The following SPATA6 variants were observed in gnomAD, a reference collection of about 807,000 sequenced individuals.
SPATA6 encodes the protein spermatogenesis-associated protein 6.
Under a neutral mutation model 65.3 loss-of-function variants are expected in SPATA6, and 56 were observed. The ratio of observed to expected loss-of-function variants is 0.86; its 90% confidence interval spans 0.69 to 1.07. SPATA6 has a LOEUF of 1.07. Among genes scored for constraint, SPATA6 ranks in the 50% least tolerant of loss-of-function variants. The probability of loss-of-function intolerance (pLI) is 0.00; values close to 1 mark genes in which losing one functional copy is unlikely to be tolerated. For synonymous variants in SPATA6, 199 were observed against 213.2 expected, an observed-to-expected ratio of 0.93 and a Z score of 0.58; for missense variants, 590 against 594.8, an observed-to-expected ratio of 0.99 and a Z score of 0.08.
At chr1:48,461,208 G>GT (rs1194329384) in intron 1 of SPATA6, among the ~76,000 whole-genome samples, 1 of 151,948 alleles carries the variant, frequency 6.6e-6, no homozygotes, top group African/African-American at 2.4e-5. Flanking sequence ...TTGTAAATTT[G>GT]TTTGAGTTCA....
chr1:48,327,518 T>A (rs374053503), intron 11 of SPATA6, among the ~76,000 whole-genome samples: 2 of 152,180 alleles, frequency 1.3e-5, no homozygotes, highest in African/African-American at 4.8e-5. Flanking sequence ...GGAAAATAAA[T>A]AATTACATTA....
intron 11 of SPATA6, among the ~76,000 whole-genome samples, chr1:48,320,751 A>C (rs1188573438): frequency 1.3e-5 from 2 of 152,260 alleles, no homozygotes; most frequent in African/African-American, 4.8e-5. Context: ...AACTACTTAT[A>C]TCTTCAGTAG....
chr1:48,371,267 CTATATAGATAGA>C (rs753130358), intron 9 of SPATA6, among the ~76,000 whole-genome samples: 137 of 126,496 alleles, frequency 1.1e-3, no homozygotes, highest in Middle Eastern at 4.2e-3. Context: ...GAATATGTAT[CTATATAGATAGA>C]TAGATAGATA....
chr1:48,454,025 A>G (rs1224841041), intron 1 of SPATA6, among the ~76,000 whole-genome samples: 1 of 147,796 alleles, frequency 6.8e-6, no homozygotes, highest in Non-Finnish European at 1.5e-5. Context: ...TTTTTTTTAG[A>G]TGGGGTCTCG....
chr1:48,423,166 A>C (rs1653509459), intron 3 of SPATA6, among the ~76,000 whole-genome samples: 1 of 152,190 alleles, frequency 6.6e-6, no homozygotes, highest in Non-Finnish European at 1.5e-5. Flanking sequence ...ATAAAAAGTC[A>C]GAAAAGTAGG....
chr1:48,413,196 C>A, intron 3 of SPATA6, 45 bp from the exon 4 acceptor site: 2 of 1,154,974 alleles, frequency 1.7e-6, no homozygotes, highest in East Asian at 3.4e-5. Flanking sequence ...AAATTAATAA[C>A]AAAAAAATTA....
intron 3 of SPATA6, among the ~76,000 whole-genome samples, chr1:48,440,331 C>T (rs965337963): frequency 1.3e-5 from 2 of 152,166 alleles, no homozygotes; most frequent in African/African-American, 4.8e-5. Context: ...GGGTCTAGGG[C>T]AAACCTTCTA....
intron 11 of SPATA6, among the ~76,000 whole-genome samples, chr1:48,343,337 A>T (rs1000751717): frequency 1.4e-4 from 22 of 152,000 alleles, no homozygotes; most frequent in Non-Finnish European, 2.5e-4. Flanking sequence ...ACAATTATCT[A>T]AAAAAAAGGA....
intron 3 of SPATA6, among the ~76,000 whole-genome samples, chr1:48,435,058 T>C (rs892344907): frequency 6.6e-6 from 1 of 151,894 alleles, no homozygotes; most frequent in Non-Finnish European, 1.5e-5. Context: ...GAGGTGATTC[T>C]GGGTCCCTGG....
rs1372096760 is a variant in SPATA6 at position 48,384,346 on chromosome 1, G to T, written c.909+963C>A. Among the ~76,000 whole-genome samples the T allele has an allele frequency of 4.6e-5, 3 of 65,738 alleles. No individual in the cohort carries two copies. The East Asian group carries it at 1.0e-3, about 22-fold the overall frequency. 43.1% of individuals were successfully genotyped at this position (65,738 alleles called of 152,430 possible). On this transcript the variant is annotated intron_variant, in intron 9 of 12. Transcript: ENST00000371847. ...CCGTGGAGGGACAGGGACAGGGACAGGGACAGGGAGAGGGAGAGGGAGAGG... is the reference window on the plus strand; with the variant it reads ...CCGTGGAGGGACAGGGACAGGGACATGGACAGGGAGAGGGAGAGGGAGAGG...
intron 11 of SPATA6, among the ~76,000 whole-genome samples, chr1:48,333,738 G>C (rs961546496): frequency 6.6e-6 from 1 of 152,078 alleles, no homozygotes; most frequent in African/African-American, 2.4e-5. Flanking sequence ...AAGAGCTAGA[G>C]AAACAAGAGC....
chr1:48,424,032 T>C (rs1490581338), intron 3 of SPATA6, among the ~76,000 whole-genome samples: 3 of 152,216 alleles, frequency 2.0e-5, no homozygotes, highest in African/African-American at 4.8e-5. Context: ...TTTTAAAATA[T>C]ACAATTAAAG....
At chr1:48,291,546 CA>C (rs980903473), downstream of SPATA6, among the ~76,000 whole-genome samples, 82 of 152,056 alleles carry the variant, frequency 5.4e-4, no homozygotes, top group African/African-American at 1.8e-3. Flanking sequence ...AGCTCCCACA[CA>C]GCCCGCAGAC....
intron 3 of SPATA6, chr1:48,436,110 A>T (rs1570570460): frequency 6.2e-7 from 1 of 1,610,082 alleles, no homozygotes; most frequent in African/African-American, 1.3e-5. Flanking sequence ...GAGCCAGTGA[A>T]GTACTATGTT....
At chr1:48,334,686 A>G (rs2203364) in intron 11 of SPATA6, among the ~76,000 whole-genome samples, 148,797 of 152,230 alleles carry the variant, frequency 0.98, 72,809 homozygotes, top group East Asian at 1. Context: ...CACACTGAAC[A>G]GGCAAAAGCT....
At chr1:48,325,776 A>G (rs1016072964) in intron 11 of SPATA6, 2 of 461,788 alleles carry the variant, frequency 4.3e-6, no homozygotes, top group African/African-American at 4.0e-5. Flanking sequence ...GATGCGTCAA[A>G]TGAGACCCTG....
intron 11 of SPATA6, among the ~76,000 whole-genome samples, chr1:48,320,130 A>C (rs1645558950): frequency 6.6e-6 from 1 of 152,214 alleles, no homozygotes; most frequent in Admixed American, 6.5e-5. Context: ...TAGTCTCAAA[A>C]GGACAAATCT....
chr1:48,312,080 G>A lies in SPATA6; in HGVS notation c.1195-6202C>T, dbSNP rs370286265. On this transcript the variant is annotated intron_variant, in intron 11 of 12. Transcript: ENST00000371847. ...CAAAGCGGCCAGGAAGCTCAAACTC[G>A]GTGGAGCCCACCACAGCTCAAGGAG... 7.9e-5 allele frequency among the ~76,000 whole-genome samples: 12 copies of A among 152,270 alleles called. No individual in the cohort carries two copies. The East Asian group carries it at 9.7e-4, about 12-fold the overall frequency.
intron 7 of SPATA6, among the ~76,000 whole-genome samples, chr1:48,396,930 A>G (rs1369566588): frequency 6.6e-6 from 1 of 151,692 alleles, no homozygotes; most frequent in African/African-American, 2.4e-5. Context: ...TTTATAATAT[A>G]TATAACCACA....
Sources: allele counts gnomAD v4.1 joint callset (sites outside exome capture counted in the v4.1 genomes callset), GRCh38; gene constraint gnomAD v4.1.1; transcripts MANE v1.5; gene names NCBI Gene and HGNC (gene_info 2026-07-23, HGNC 2026-07-21).